The following DAB1 variants were observed in gnomAD, a reference collection of about 807,000 sequenced individuals.
The protein encoded by DAB1 is DAB adaptor protein 1, also known as disabled homolog 1.
A neutral mutation model predicts 64.6 loss-of-function variants in DAB1; 15 were observed. The ratio of observed to expected loss-of-function variants is 0.23; its 90% CI spans 0.16 to 0.36. DAB1 has a LOEUF of 0.36. DAB1 is among the 10% of genes least tolerant of loss of function. The pLI is 1.00. For missense variants in DAB1, 596 were observed against 706.7 expected (o/e 0.84, Z 1.78); for synonymous variants, 235 against 251.9 (o/e 0.93, Z 0.64).
chr1:57,992,059 A>G (rs1344978343), intron 5 of DAB1, among the ~76,000 whole-genome samples: 1 of 152,102 alleles, frequency 6.6e-6, no homozygotes, highest in Non-Finnish European at 1.5e-5. Flanking sequence ...TCTCTTCCAC[A>G]AAGTGGGAAT....
At chr1:58,406,715 C>T (rs1238816) in intron 3 of DAB1, among the ~76,000 whole-genome samples, 6 of 83,630 alleles carry the variant, frequency 7.2e-5, no homozygotes, top group Non-Finnish European at 1.3e-4. Context: ...ATCATCCCCC[C>T]CCCCCAACTG....
chr1:57,773,118 A>G (rs962528026), intron 6 of DAB1, among the ~76,000 whole-genome samples: 1 of 152,006 alleles, frequency 6.6e-6, no homozygotes, highest in Admixed American at 6.6e-5. Flanking sequence ...TGATACCTTA[A>G]TTTCAGACTT....
chr1:58,024,948 T>C (rs1052623568), intron 5 of DAB1, among the ~76,000 whole-genome samples: 1 of 152,126 alleles, frequency 6.6e-6, no homozygotes, highest in African/African-American at 2.4e-5. Flanking sequence ...CTGCCTCAGA[T>C]CTTGGGACTT....
intron 7 of DAB1, among the ~76,000 whole-genome samples, chr1:57,571,757 G>T (rs1645196222): frequency 6.6e-6 from 1 of 152,138 alleles, no homozygotes; most frequent in South Asian, 2.1e-4. Context: ...ATTTCTCTCT[G>T]GACAGGAATT....
chr1:57,323,047 A>ATTT (rs10671263), intron 1 of DAB1, among the ~76,000 whole-genome samples: 24,645 of 151,568 alleles, frequency 0.16, 2,217 homozygotes, highest in East Asian at 0.27. Context: ...GAGTTCTGAG[A>ATTT]TTTTTTTTTG....
At chr1:58,140,535 C>T (rs1654224326) in intron 5 of DAB1, among the ~76,000 whole-genome samples, 2 of 152,104 alleles carry the variant, frequency 1.3e-5, no homozygotes, top group Admixed American at 6.5e-5. Flanking sequence ...TGCTACTTCT[C>T]CAGATTCTCC....
At chr1:57,564,618 G>A (rs546965640) in intron 7 of DAB1, among the ~76,000 whole-genome samples, 4 of 152,292 alleles carry the variant, frequency 2.6e-5, no homozygotes, top group East Asian at 3.9e-4. Flanking sequence ...ACCATGGCAC[G>A]AGAACTACCT....
intron 5 of DAB1, among the ~76,000 whole-genome samples, chr1:57,951,283 T>C (rs1319148971): frequency 2.1e-5 from 3 of 141,512 alleles, no homozygotes; most frequent in African/African-American, 7.9e-5. Context: ...TTGTATGACT[T>C]TCTTAAAACA....
intron 2 of DAB1, among the ~76,000 whole-genome samples, chr1:57,221,531 T>C (rs2100385268): frequency 6.6e-6 from 1 of 152,204 alleles, no homozygotes. Context: ...CAAAATACTA[T>C]TTTCACAAAA....
chr1:57,016,553 T>C (rs189519845), intron 11 of DAB1, among the ~76,000 whole-genome samples: 2 of 151,560 alleles, frequency 1.3e-5, no homozygotes, highest in East Asian at 1.9e-4. Flanking sequence ...ATCACCCTAC[T>C]GCACTTCAGC....
At position 57,131,931 on chromosome 1, in the gene DAB1, G is replaced by A. The variant is rs1657682066; in HGVS notation, c.306+4612C>T. Among the ~76,000 whole-genome samples, 3 of 151,922 alleles carry A rather than the reference G, an allele frequency of 2.0e-5. 1 individual carries two copies. In the South Asian group the frequency reaches 6.2e-4, roughly 32 times the overall value. On this transcript the variant is annotated intron_variant, in intron 4 of 14. Coordinates refer to ENST00000371236, the MANE Select transcript of DAB1 (RefSeq NM_001365792.1). ...TGCTAGCTAGATAGACAATAGTGAT[G>A]AACAAAAAGATGGGGCCTTATTTAT...
chr1:57,876,443 T>C (rs1478890636), intron 1 of DAB1: 2 of 152,240 alleles, frequency 1.3e-5, no homozygotes, highest in Non-Finnish European at 2.9e-5. Context: ...GGCACACATA[T>C]GTGTTCATCA....
intron 5 of DAB1, among the ~76,000 whole-genome samples, chr1:58,007,110 C>G (rs1198033330): frequency 6.6e-6 from 1 of 152,198 alleles, no homozygotes; most frequent in East Asian, 1.9e-4. Context: ...GCCCACAATT[C>G]AAGCGCTTTC....
intron 1 of DAB1, among the ~76,000 whole-genome samples, chr1:57,356,391 G>T (rs1679102963): frequency 6.6e-6 from 1 of 152,064 alleles, no homozygotes; most frequent in Non-Finnish European, 1.5e-5. Context: ...CAAGAACTTA[G>T]AATAGCAACT....
intron 1 of DAB1, among the ~76,000 whole-genome samples, chr1:57,343,013 G>C (rs1199606923): frequency 2.6e-5 from 1 of 37,950 alleles, no homozygotes; most frequent in African/African-American, 1.1e-4. Context: ...CTGCTGGCTC[G>C]GGCAGCCTGC....
intron 4 of DAB1, among the ~76,000 whole-genome samples, chr1:58,321,960 C>T (rs1279695603): frequency 6.6e-6 from 1 of 152,240 alleles, no homozygotes; most frequent in Non-Finnish European, 1.5e-5. Flanking sequence ...ACTGCCTCCT[C>T]AAGTAGGTCC....
intron 5 of DAB1, among the ~76,000 whole-genome samples, chr1:57,990,092 G>C (rs1171400801): frequency 6.6e-6 from 1 of 152,164 alleles, no homozygotes; most frequent in Non-Finnish European, 1.5e-5. Context: ...TGCAGAGGGA[G>C]GAAGGCAAGG....
intron 5 of DAB1, among the ~76,000 whole-genome samples, chr1:57,939,280 A>G (rs1004240835): frequency 6.6e-6 from 1 of 152,100 alleles, no homozygotes; most frequent in Non-Finnish European, 1.5e-5. Flanking sequence ...TCATGACTCA[A>G]TTATGTCCCC....
intron 6 of DAB1, among the ~76,000 whole-genome samples, chr1:57,739,126 C>A (rs1647840269): frequency 1.3e-5 from 2 of 152,062 alleles, no homozygotes; most frequent in African/African-American, 4.8e-5. Context: ...TATTGTAAAT[C>A]CAGATGGATA....
Sources: gnomAD v4.1 joint callset for allele counts (sites outside exome capture counted in the v4.1 genomes callset) on GRCh38, gnomAD v4.1.1 for gene constraint, MANE v1.5 for transcripts, NCBI Gene and HGNC (gene_info 2026-07-23, HGNC 2026-07-21) for gene names.